The following MSRA variants were observed in gnomAD, a reference collection of about 807,000 sequenced individuals.
MSRA encodes the protein methionine sulfoxide reductase A.
MSRA carries 54 observed loss-of-function variants against 31.3 expected under a neutral mutation model. The ratio of observed to expected loss-of-function variants is 1.73; its 90% confidence interval spans 1.39 to 2.17. The LOEUF is 2.17. Among genes scored for constraint, MSRA ranks in the 30% most tolerant of loss-of-function variants. The pLI, the probability that MSRA is intolerant of heterozygous loss-of-function variation, is 0.00. For missense variants in MSRA, 507 were observed against 300.9 expected (o/e 1.69, Z -5.07); for synonymous variants, 169 against 116.5 (o/e 1.45, Z -2.90).
intron 4 of MSRA, among the ~76,000 whole-genome samples, chr8:10,315,023 A>T (rs544246525): frequency 1.3e-3 from 191 of 152,316 alleles, no homozygotes; most frequent in Admixed American, 3.5e-3. Context: ...CCAAAGGCGA[A>T]GGAGGAGCAA....
chr8:10,247,892 G>C (rs963996775), intron 3 of MSRA, among the ~76,000 whole-genome samples: 1 of 152,184 alleles, frequency 6.6e-6, no homozygotes, highest in Non-Finnish European at 1.5e-5. Context: ...GGGAATAACA[G>C]GGAAGGAGAA....
intron 5 of MSRA, among the ~76,000 whole-genome samples, chr8:10,414,317 A>G (rs957189675): frequency 2.0e-5 from 3 of 152,240 alleles, no homozygotes; most frequent in African/African-American, 7.2e-5. Context: ...CTGCTGACTT[A>G]ACTTCCTCAT....
chr8:10,057,777 C>A (rs181110085), intron 1 of MSRA, among the ~76,000 whole-genome samples: 2 of 152,180 alleles, frequency 1.3e-5, no homozygotes, highest in African/African-American at 4.8e-5. Flanking sequence ...CCTCTTCTGC[C>A]ATGATTGTAA....
chr8:10,198,763 A>G (rs1473948822), intron 1 of MSRA, among the ~76,000 whole-genome samples: 1 of 152,194 alleles, frequency 6.6e-6, no homozygotes. Context: ...AGCTGGGACC[A>G]CAGGTGCACA....
At chr8:10,379,782 T>C (rs1162638303) in intron 5 of MSRA, among the ~76,000 whole-genome samples, 1 of 152,188 alleles carries the variant, frequency 6.6e-6, no homozygotes, top group Non-Finnish European at 1.5e-5. Context: ...TAGGCCATGA[T>C]CTCTTCTGCC....
intron 5 of MSRA, among the ~76,000 whole-genome samples, chr8:10,375,896 T>C (rs1334718409): frequency 6.6e-6 from 1 of 152,144 alleles, no homozygotes; most frequent in Admixed American, 6.5e-5. Flanking sequence ...TGGAATTGAG[T>C]ATTAGGTCAA....
intron 3 of MSRA, among the ~76,000 whole-genome samples, chr8:10,267,284 C>T (rs1162584050): frequency 6.6e-6 from 1 of 152,202 alleles, no homozygotes; most frequent in African/African-American, 2.4e-5. Context: ...TTCATGACAA[C>T]AGCCAAGAGA....
chr8:10,153,626 C>G (rs17151209), intron 1 of MSRA, among the ~76,000 whole-genome samples: 28,476 of 152,008 alleles, frequency 0.19, 3,177 homozygotes, highest in East Asian at 0.5. Context: ...TTGGTCATTT[C>G]CCAAAGCGAC....
At chr8:10,343,092 A>T (rs1474344664) in intron 5 of MSRA, among the ~76,000 whole-genome samples, 2 of 150,954 alleles carry the variant, frequency 1.3e-5, no homozygotes, top group Non-Finnish European at 2.9e-5. Context: ...CTTCCCAGCT[A>T]ATTCTTAGAG....
At chr8:10,095,573 A>G (rs1799095527) in intron 1 of MSRA, 1 of 985,770 alleles carries the variant, frequency 1.0e-6, no homozygotes, top group Non-Finnish European at 1.2e-6. Context: ...AGAAAGAGGG[A>G]GAGAGAGAGG....
At chr8:10,210,737 A>AT (rs11343981) in intron 2 of MSRA, among the ~76,000 whole-genome samples, 2,684 of 141,996 alleles carry the variant, frequency 0.019, 81 homozygotes, top group African/African-American at 0.059. Flanking sequence ...TTATAATGTC[A>AT]TTTTTTTTTT....
At chr8:10,067,805 A>G (rs922129476) in intron 1 of MSRA, among the ~76,000 whole-genome samples, 9 of 126,074 alleles carry the variant, frequency 7.1e-5, no homozygotes, top group Non-Finnish European at 1.2e-4. Context: ...TTGCCATATT[A>G]TGTTTTCTTT....
intron 3 of MSRA, among the ~76,000 whole-genome samples, chr8:10,246,142 A>G (rs1015208020): frequency 1.2e-4 from 19 of 152,198 alleles, no homozygotes; most frequent in African/African-American, 4.1e-4. Context: ...TCTCATTGTT[A>G]TTATTATATA....
chr8:10,269,361 T>C (rs1057445589), intron 3 of MSRA, among the ~76,000 whole-genome samples: 4 of 152,230 alleles, frequency 2.6e-5, no homozygotes, highest in Admixed American at 6.5e-5. Context: ...ACAGAACTTA[T>C]AGCAGAATCA....
At chr8:10,357,363 C>T (rs1223311164) in intron 5 of MSRA, among the ~76,000 whole-genome samples, 1 of 152,210 alleles carries the variant, frequency 6.6e-6, no homozygotes, top group Non-Finnish European at 1.5e-5. Context: ...TTTCTCTCGA[C>T]CCACTTTTCA....
chr8:10,087,466 G>A (rs776992912), intron 1 of MSRA, among the ~76,000 whole-genome samples: 37 of 152,192 alleles, frequency 2.4e-4, no homozygotes, highest in Non-Finnish European at 4.7e-4. Flanking sequence ...TCGAGTGAAT[G>A]GATGTGTCTA....
intron 1 of MSRA, among the ~76,000 whole-genome samples, chr8:10,179,785 A>G (rs1480221283): frequency 2.0e-5 from 3 of 152,142 alleles, no homozygotes; most frequent in Non-Finnish European, 4.4e-5. Flanking sequence ...ATTCAATGAG[A>G]GGTTGAAGGT....
Position 10,321,748 on chromosome 8 carries a change from C to T in MSRA, c.543+1759C>T, listed in dbSNP as rs537051266. Among the ~76,000 whole-genome samples, 4 of 152,242 alleles carry T rather than the reference C, an allele frequency of 2.6e-5. No individual in the cohort carries two copies. The South Asian group carries it at 8.3e-4, about 32-fold the overall frequency. ...GTCATGAAGCAGCCCTGTGCAGAGG[C>T]TTACATGACAAGGACAAAAGCCTGC... On this transcript the variant is annotated intron_variant, in intron 5 of 5. Transcript: ENST00000317173.
At position 10,293,154 on chromosome 8, in the gene MSRA, G is replaced by C. The variant is rs566345860; in HGVS notation, c.332-8380G>C. On this transcript the variant is annotated intron_variant, in intron 3 of 5. Transcript: ENST00000317173. ...ATGCTGACATGAGTCTATGGATCTA[G>C]AGGCTTTGCAGGGCACAGGACACTG... Among the ~76,000 whole-genome samples the C allele has an allele frequency of 2.0e-5, 3 of 152,304 alleles. No homozygotes were observed. The South Asian group carries it at 6.2e-4, about 32-fold the overall frequency.
Sources: allele counts gnomAD v4.1 joint callset (sites outside exome capture counted in the v4.1 genomes callset), GRCh38; gene constraint gnomAD v4.1.1; transcripts MANE v1.5; gene names NCBI Gene and HGNC (gene_info 2026-07-23, HGNC 2026-07-21).